PDE4D: variants seen among roughly 807,000 people sequenced by gnomAD.
PDE4D encodes the protein 3',5'-cyclic-AMP phosphodiesterase 4D.
A neutral mutation model predicts 87.4 loss-of-function variants in PDE4D; 24 were observed. The ratio of observed to expected loss-of-function variants is 0.27; its 90% confidence interval spans 0.20 to 0.39. The LOEUF (loss-of-function observed/expected upper bound fraction) is 0.39. Ranked by LOEUF, PDE4D falls within the 10% of genes least tolerant of loss-of-function variation. The pLI is 1.00. For missense variants in PDE4D, 714 were observed against 1,041.0 expected, an observed-to-expected ratio of 0.69 and a Z score of 4.32; for synonymous variants, 384 against 383.2, an observed-to-expected ratio of 1.00 and a Z score of -0.02.
intron 5 of PDE4D, among the ~76,000 whole-genome samples, chr5:59,074,881 G>A (rs950823940): frequency 7.2e-5 from 11 of 152,092 alleles, no homozygotes; most frequent in Non-Finnish European, 1.2e-4. Flanking sequence ...TCCACACAAT[G>A]TTCTGACTTC....
intron 1 of PDE4D, among the ~76,000 whole-genome samples, chr5:59,459,600 C>T (rs1562227461): frequency 6.6e-6 from 1 of 152,126 alleles, no homozygotes. Flanking sequence ...TCAGATGATC[C>T]TATGATACTG....
rs1250424207 is a variant in PDE4D, at chr5:59,295,892, T to C, written c.456-79924A>G. Among the ~76,000 whole-genome samples, 8 of 151,546 alleles carry C rather than the reference T, an allele frequency of 5.3e-5. No homozygotes were observed. The East Asian group carries it at 1.5e-3, about 29-fold the overall frequency. On this transcript the variant is annotated intron_variant, in intron 1 of 14. Coordinates refer to ENST00000340635, the MANE Select transcript of PDE4D (RefSeq NM_001104631.2). ...TGGAATGCTGATGGACAGCAACTCA[T>C]ATTTGTCCTCAGTGTCAGGATAATA... is the stretch of plus-strand genomic sequence containing the variant.
intron 11 of PDE4D, among the ~76,000 whole-genome samples, chr5:58,984,708 A>G (rs1561233826): frequency 6.6e-6 from 1 of 152,238 alleles, no homozygotes; most frequent in African/African-American, 2.4e-5. Context: ...CATGCTTTGA[A>G]TGCATCACTA....
At chr5:60,466,398 G>T (rs2150182442) in intron 1 of PDE4D, among the ~76,000 whole-genome samples, 1 of 152,262 alleles carries the variant, frequency 6.6e-6, no homozygotes, top group Middle Eastern at 3.4e-3. Flanking sequence ...CAATTTTATA[G>T]TTCTTCTTGC....
At chr5:59,985,889 T>G (rs1005203137) in intron 3 of PDE4D, among the ~76,000 whole-genome samples, 12 of 152,210 alleles carry the variant, frequency 7.9e-5, no homozygotes, top group Non-Finnish European at 1.8e-4. Flanking sequence ...CCATTTGTGT[T>G]TGGTTGAAAA....
intron 1 of PDE4D, among the ~76,000 whole-genome samples, chr5:59,634,018 C>G (rs1423088758): frequency 6.6e-6 from 1 of 150,856 alleles, no homozygotes; most frequent in Non-Finnish European, 1.5e-5. Flanking sequence ...CACACACAGG[C>G]TCAAAAATAA....
intron 1 of PDE4D, among the ~76,000 whole-genome samples, chr5:60,405,094 T>C (rs1156255358): frequency 6.6e-6 from 1 of 152,228 alleles, no homozygotes; most frequent in Non-Finnish European, 1.5e-5. Flanking sequence ...TCTAATTAAC[T>C]GTGGGCAAAT....
intron 1 of PDE4D, among the ~76,000 whole-genome samples, chr5:59,831,312 T>C (rs1475962954): frequency 9.7e-6 from 1 of 102,812 alleles, no homozygotes; most frequent in Middle Eastern, 9.1e-3. Context: ...GCCACAGAGG[T>C]CATAAATTAT....
intron 1 of PDE4D, among the ~76,000 whole-genome samples, chr5:59,596,648 C>T (rs893386982): frequency 6.6e-6 from 1 of 152,190 alleles, no homozygotes; most frequent in Middle Eastern, 3.4e-3. Context: ...AAATGAGTCT[C>T]TATACCAAAC....
intron 5 of PDE4D, among the ~76,000 whole-genome samples, chr5:59,081,537 A>G (rs1476130502): frequency 6.6e-6 from 1 of 151,562 alleles, no homozygotes; most frequent in Non-Finnish European, 1.5e-5. Context: ...AAAAGAAAAA[A>G]AGTGGGTTTG....
At chr5:59,916,413 A>C (rs1445888913) in intron 3 of PDE4D, among the ~76,000 whole-genome samples, 1 of 152,234 alleles carries the variant, frequency 6.6e-6, no homozygotes, top group Non-Finnish European at 1.5e-5. Context: ...TGCCAAGTTC[A>C]TGCAAAACAA....
At chr5:59,771,922 G>C (rs1763626237) in intron 1 of PDE4D, among the ~76,000 whole-genome samples, 1 of 152,202 alleles carries the variant, frequency 6.6e-6, no homozygotes, top group African/African-American at 2.4e-5. Flanking sequence ...AAGCAGGATT[G>C]AGAGTTTCTT....
intron 1 of PDE4D, among the ~76,000 whole-genome samples, chr5:59,641,438 C>A (rs1741566595): frequency 6.6e-6 from 1 of 152,178 alleles, no homozygotes; most frequent in African/African-American, 2.4e-5. Context: ...CCTCCTTTGC[C>A]ACATATTCTG....
intron 1 of PDE4D, among the ~76,000 whole-genome samples, chr5:60,468,137 C>T (rs444349): frequency 0.13 from 17,606 of 140,166 alleles, 1,748 homozygotes; most frequent in African/African-American, 0.26. Flanking sequence ...TTTCTTTTTT[C>T]TTTTTTTTTT....
At chr5:59,200,304 T>C (rs1310681207) in intron 2 of PDE4D, among the ~76,000 whole-genome samples, 32 of 135,818 alleles carry the variant, frequency 2.4e-4, no homozygotes, top group African/African-American at 9.6e-4. Context: ...CATATGTGTA[T>C]GTACAGCTAC....
At chr5:59,269,513 T>C (rs1218272637) in intron 1 of PDE4D, among the ~76,000 whole-genome samples, 1 of 152,050 alleles carries the variant, frequency 6.6e-6, no homozygotes, top group Non-Finnish European at 1.5e-5. Flanking sequence ...CCAATCCATA[T>C]AGAGATACAG....
chr5:59,923,958 T>G (rs1754968533), intron 3 of PDE4D, among the ~76,000 whole-genome samples: 1 of 152,190 alleles, frequency 6.6e-6, no homozygotes, highest in Admixed American at 6.5e-5. Context: ...AAATAGCTGT[T>G]TTGAGAAAAC....
At chr5:59,461,211 G>A (rs1489966286) in intron 1 of PDE4D, among the ~76,000 whole-genome samples, 1 of 151,948 alleles carries the variant, frequency 6.6e-6, no homozygotes. Context: ...AAAGCATGTT[G>A]TAAATTACCA....
intron 1 of PDE4D, among the ~76,000 whole-genome samples, chr5:59,330,621 A>AT (rs139436001): frequency 5.9e-5 from 9 of 152,172 alleles, no homozygotes; most frequent in South Asian, 2.1e-4. Flanking sequence ...AGAGAAAACC[A>AT]TTTTTTTTAT....
Sources: gnomAD v4.1 joint callset for allele counts (sites outside exome capture counted in the v4.1 genomes callset) on GRCh38, gnomAD v4.1.1 for gene constraint, MANE v1.5 for transcripts, NCBI Gene and HGNC (gene_info 2026-07-23, HGNC 2026-07-21) for gene names.